PRKCQ: variants seen among roughly 807,000 people sequenced by gnomAD.
The protein encoded by PRKCQ is protein kinase C theta type.
In PRKCQ, 41 loss-of-function variants were observed where a neutral mutation model predicts 91.2. That is an observed-to-expected ratio of 0.45 (90% CI 0.35 to 0.58). The LOEUF is 0.58. Ranked by LOEUF, PRKCQ falls within the 20% of genes least tolerant of loss-of-function variation. PRKCQ has a pLI of 0.00. For synonymous variants in PRKCQ, 307 were observed against 316.9 expected, an observed-to-expected ratio of 0.97 and a Z score of 0.33; for missense variants, 673 against 896.5, an observed-to-expected ratio of 0.75 and a Z score of 3.18.
chr10:6,432,502 A>G (rs1833473048), intron 16 of PRKCQ, among the ~76,000 whole-genome samples: 1 of 152,122 alleles, frequency 6.6e-6, no homozygotes, highest in Non-Finnish European at 1.5e-5. Flanking sequence ...CCCCCTTACC[A>G]TATGGGGACT....
chr10:6,405,258 C>T, the PRKCQ span, among the ~76,000 whole-genome samples: 343 of 152,346 alleles, frequency 2.3e-3, 3 homozygotes, highest in South Asian at 0.014. Flanking sequence ...GTTGGGATTA[C>T]AGGCGTGAGC....
intron 7 of PRKCQ, among the ~76,000 whole-genome samples, chr10:6,496,403 A>G (rs920192337): frequency 3.3e-5 from 5 of 152,142 alleles, no homozygotes; most frequent in Non-Finnish European, 7.4e-5. Context: ...ACTCTAAAAG[A>G]AATATTTGCT....
At chr10:6,486,616 G>A (rs1836933546) in intron 8 of PRKCQ, among the ~76,000 whole-genome samples, 1 of 152,246 alleles carries the variant, frequency 6.6e-6, no homozygotes, top group East Asian at 1.9e-4. Flanking sequence ...AACACCAACA[G>A]AACTGTAATA....
intron 1 of PRKCQ, among the ~76,000 whole-genome samples, chr10:6,551,680 GC>G (rs922260280): frequency 4.7e-4 from 71 of 152,344 alleles, no homozygotes; most frequent in African/African-American, 1.7e-3. Flanking sequence ...ACAGGTGTGA[GC>G]CACCACGCCC....
chr10:6,520,897 G>A (rs1481605481), intron 1 of PRKCQ, among the ~76,000 whole-genome samples: 4 of 152,160 alleles, frequency 2.6e-5, no homozygotes, highest in Non-Finnish European at 5.9e-5. Context: ...CAGAAGAGGG[G>A]TTTGACTCCA....
chr10:6,515,509 A>G (rs956116430), intron 1 of PRKCQ: 1 of 985,132 alleles, frequency 1.0e-6, no homozygotes, highest in Non-Finnish European at 1.2e-6. Flanking sequence ...CCCAGGAAAC[A>G]GCACACAGTA....
At chr10:6,439,621 G>A (rs192458850) in intron 16 of PRKCQ, among the ~76,000 whole-genome samples, 62 of 152,272 alleles carry the variant, frequency 4.1e-4, no homozygotes, top group Non-Finnish European at 1.3e-4. Flanking sequence ...CAAGGATGAA[G>A]ATCTTTATGA....
rs992619515 is a variant in PRKCQ, at chr10:6,482,535, C to T, written c.1179+905G>A. 9.1e-4 allele frequency among the ~76,000 whole-genome samples: 138 copies of T among 152,284 alleles called. 1 individual carries two copies. Among genetic ancestry groups the T allele is most frequent in the Non-Finnish European group, 3.1e-4 (21 of 68,038 alleles). The stretch of plus-strand genomic sequence containing the variant: ...GCATGGAGAGGGGCCTGGGAAGAAA[C>T]AACCCAGACAACACCTTGATGGTGA... On this transcript the variant is annotated intron_variant, in intron 11 of 17. Coordinates refer to ENST00000263125, the MANE Select transcript of PRKCQ (RefSeq NM_006257.5).
At chr10:6,418,894 T>C in the PRKCQ span, among the ~76,000 whole-genome samples, 21 of 124,418 alleles carry the variant, frequency 1.7e-4, no homozygotes, top group African/African-American at 4.7e-4. Context: ...TGTTTATCCA[T>C]CTATTACTCA....
chr10:6,464,267 C>T, intron 13 of PRKCQ, 46 bp downstream of exon 13: 1 of 1,528,142 alleles, frequency 6.5e-7, no homozygotes, highest in Non-Finnish European at 9.0e-7. Flanking sequence ...CCAGCAAGAA[C>T]TGACAAGAAC....
chr10:6,446,123 T>C (rs1834276932), intron 15 of PRKCQ, among the ~76,000 whole-genome samples: 1 of 152,078 alleles, frequency 6.6e-6, no homozygotes, highest in Non-Finnish European at 1.5e-5. Flanking sequence ...TTTGCAGACG[T>C]TATGTCTTTT....
chr10:6,528,855 T>C lies in PRKCQ; in HGVS notation c.-9-13711A>G, dbSNP rs1049087223. Among the ~76,000 whole-genome samples, 3 of 152,236 alleles carry C rather than the reference T, an allele frequency of 2.0e-5. No homozygotes were observed. The East Asian group carries it at 5.8e-4, about 29-fold the overall frequency. On this transcript the variant is annotated intron_variant, in intron 1 of 17. Transcript: ENST00000263125. ...GTCCCTACTTGCAAAGGACATGTTA[T>C]GACTGTAGGGACAGGCTTTCCTGGC...
chr10:6,488,004 C>CA (rs774276182), intron 8 of PRKCQ, among the ~76,000 whole-genome samples: 68,162 of 112,896 alleles, frequency 0.6, 19,664 homozygotes, highest in Admixed American at 0.69. Context: ...GACTGTGTCT[C>CA]AAAAAAAAAA....
At chr10:6,572,292 C>T (rs1361663040) in intron 1 of PRKCQ, among the ~76,000 whole-genome samples, 1 of 151,630 alleles carries the variant, frequency 6.6e-6, no homozygotes, top group African/African-American at 2.4e-5. Flanking sequence ...CATGGGTAAA[C>T]GTGCCATGGT....
At chr10:6,540,263 T>C (rs1451895965) in intron 1 of PRKCQ, among the ~76,000 whole-genome samples, 3 of 152,234 alleles carry the variant, frequency 2.0e-5, no homozygotes, top group African/African-American at 7.2e-5. Context: ...TGCTAGCCAT[T>C]TTTAATTGTA....
chr10:6,395,056 C>CTTTT, the PRKCQ span, among the ~76,000 whole-genome samples: 323 of 66,880 alleles, frequency 4.8e-3, 6 homozygotes, highest in Non-Finnish European at 6.1e-3. Context: ...AAGCTGGAGT[C>CTTTT]TTTTTTTTTT....
intron 7 of PRKCQ, 149 bp from the exon 8 acceptor site, chr10:6,491,961 C>A: frequency 8.1e-7 from 1 of 1,234,312 alleles, no homozygotes. Context: ...TTGTCAAGCC[C>A]TACAGTCATG....
chr10:6,493,785 G>C (rs1419766566), intron 7 of PRKCQ, among the ~76,000 whole-genome samples: 2 of 152,244 alleles, frequency 1.3e-5, no homozygotes, highest in East Asian at 3.8e-4. Flanking sequence ...ACGTACAGGT[G>C]ATCAAACATG....
chr10:6,497,168 A>T lies in PRKCQ; in HGVS notation c.575-48T>A, dbSNP rs770979208. 6.2e-7 allele frequency: 1 copy of T among 1,613,934 alleles called. No individual in the cohort carries two copies. The highest frequency in any genetic ancestry group is 8.5e-7 in the Non-Finnish European group (1 of 1,179,790). On this transcript the variant is annotated intron_variant, in intron 6 of 17. Transcript: ENST00000263125. This position sits in a 1 kb window ranked among gnomAD's most constrained non-coding sequence, Gnocchi z 4.5. Reference sequence around the variant, plus strand: ...AGCTTAAGATTTTCATAGCCTAAGGAATAACTAAATAAAAAGAATGATGGT... The same window carrying T: ...AGCTTAAGATTTTCATAGCCTAAGGTATAACTAAATAAAAAGAATGATGGT...
Sources: gnomAD v4.1 joint callset for allele counts (sites outside exome capture counted in the v4.1 genomes callset) on GRCh38, gnomAD v4.1.1 for gene constraint, Gnocchi (gnomAD v3.1) non-coding constraint, MANE v1.5 for transcripts, NCBI Gene and HGNC (gene_info 2026-07-23, HGNC 2026-07-21) for gene names.